Variants in CTNNA3 observed in about 807,000 individuals in gnomAD.
The protein encoded by CTNNA3 is catenin alpha-3.
A neutral mutation model predicts 95.7 loss-of-function variants in CTNNA3; 76 were observed. That is an observed-to-expected ratio of 0.79 (90% CI 0.66 to 0.96). The LOEUF is 0.96. CTNNA3 is among the 40% of genes least tolerant of loss of function. The probability of loss-of-function intolerance (pLI) is 0.00; values close to 1 mark genes in which losing one functional copy is unlikely to be tolerated. For missense variants in CTNNA3, 1,191 were observed against 1,089.8 expected (o/e 1.09, Z -1.31); for synonymous variants, 431 against 374.4 (o/e 1.15, Z -1.74).
chr10:66,506,166 C>A (rs747054547), intron 11 of CTNNA3, among the ~76,000 whole-genome samples: 2 of 152,102 alleles, frequency 1.3e-5, no homozygotes, highest in Non-Finnish European at 2.9e-5. Flanking sequence ...TCACTCATTA[C>A]CAAGAGGATT....
Position 66,968,449 on chromosome 10 carries a change from A to C in CTNNA3, c.1048-192925T>G, listed in dbSNP as rs188787625. 6.7e-4 allele frequency among the ~76,000 whole-genome samples: 101 copies of C among 151,590 alleles called. 1 individual carries two copies. In the East Asian group the frequency reaches 0.015, roughly 23 times the overall value. ...AAGAGACAAGATGAATTTAAACTAG[A>C]GAAAATACAATTTTAGAACCACATT... On this transcript the variant is annotated intron_variant, in intron 7 of 17. Coordinates refer to ENST00000433211, the MANE Select transcript of CTNNA3 (RefSeq NM_013266.4).
intron 1 of CTNNA3, among the ~76,000 whole-genome samples, chr10:67,705,258 C>G (rs983184345): frequency 6.6e-6 from 1 of 152,204 alleles, no homozygotes; most frequent in Non-Finnish European, 1.5e-5. Flanking sequence ...TACCATTTGA[C>G]CCAGCCATCC....
chr10:66,184,015 T>A (rs1397887349), intron 13 of CTNNA3, among the ~76,000 whole-genome samples: 3 of 152,110 alleles, frequency 2.0e-5, no homozygotes, highest in Non-Finnish European at 4.4e-5. Context: ...GTGTATGAGG[T>A]TTTTATAAAA....
intron 13 of CTNNA3, among the ~76,000 whole-genome samples, chr10:66,261,283 T>C: frequency 6.6e-6 from 1 of 152,138 alleles, no homozygotes; most frequent in East Asian, 1.9e-4. Context: ...ATTTAAATTA[T>C]TTCCCTTGAT....
At chr10:66,476,131 T>C (rs1240092836) in intron 11 of CTNNA3, among the ~76,000 whole-genome samples, 2 of 151,926 alleles carry the variant, frequency 1.3e-5, no homozygotes, top group Non-Finnish European at 2.9e-5. Context: ...CGAACACCAC[T>C]TGTTCTCACT....
At chr10:67,519,218 T>C (rs544642527) in intron 5 of CTNNA3, among the ~76,000 whole-genome samples, 2 of 152,248 alleles carry the variant, frequency 1.3e-5, no homozygotes, top group African/African-American at 4.8e-5. Context: ...AGTAGTCTTA[T>C]CTTGTGCCGA....
chr10:66,529,105 T>A (rs1380213488), intron 10 of CTNNA3, among the ~76,000 whole-genome samples: 1 of 152,144 alleles, frequency 6.6e-6, no homozygotes, highest in Non-Finnish European at 1.5e-5. Flanking sequence ...CAGCCTGGCC[T>A]ATCACAATCA....
intron 7 of CTNNA3, among the ~76,000 whole-genome samples, chr10:66,832,189 A>C (rs1272620695): frequency 1.3e-5 from 2 of 152,256 alleles, no homozygotes; most frequent in Non-Finnish European, 2.9e-5. Context: ...TTTTGGCAGA[A>C]AAAATGACTC....
chr10:67,457,840 T>C (rs544195379), intron 5 of CTNNA3, among the ~76,000 whole-genome samples: 1 of 152,162 alleles, frequency 6.6e-6, no homozygotes, highest in African/African-American at 2.4e-5. Context: ...CTCTCTTCCA[T>C]GTTTAAAGAT....
intron 7 of CTNNA3, among the ~76,000 whole-genome samples, chr10:66,973,526 G>A (rs1185069661): frequency 6.6e-6 from 1 of 152,156 alleles, no homozygotes; most frequent in Admixed American, 6.5e-5. Flanking sequence ...GCCCTTCTAA[G>A]TTTGTTTTAG....
chr10:66,546,586 G>A lies in CTNNA3; in HGVS notation c.1375-25813C>T, dbSNP rs144779110. 1.3e-4 allele frequency among the ~76,000 whole-genome samples: 20 copies of A among 152,284 alleles called. No homozygotes were observed. The East Asian group carries it at 3.9e-3, about 29-fold the overall frequency. The stretch of plus-strand genomic sequence containing the variant: ...GAAACTTACAAATATGGTGGAAGGT[G>A]AAGGGGAAGCAAGGCACCTTCTTCA... On this transcript the variant is annotated intron_variant, in intron 10 of 17. Coordinates refer to ENST00000433211, the MANE Select transcript of CTNNA3 (RefSeq NM_013266.4).
At chr10:66,028,746 T>TA (rs1047175075) in intron 15 of CTNNA3, among the ~76,000 whole-genome samples, 6 of 151,314 alleles carry the variant, frequency 4.0e-5, no homozygotes, top group Admixed American at 1.3e-4. Context: ...AAGTATAATT[T>TA]AAAAAAAAGG....
chr10:67,460,522 T>G (rs1401313873), intron 5 of CTNNA3, among the ~76,000 whole-genome samples: 2 of 152,168 alleles, frequency 1.3e-5, no homozygotes, highest in African/African-American at 4.8e-5. Flanking sequence ...TAGTAAAAAT[T>G]ATTTGAGAAG....
At chr10:66,983,783 C>T (rs1183830273) in intron 7 of CTNNA3, among the ~76,000 whole-genome samples, 5 of 152,142 alleles carry the variant, frequency 3.3e-5, no homozygotes, top group East Asian at 3.8e-4. Context: ...ATACATTCTG[C>T]TAAAATTTTG....
chr10:66,775,479 T>G lies in CTNNA3; in HGVS notation c.1093A>C (p.Asn365His). The change falls in exon 8 of 18, where the codon AAC becomes CAC. Residue 365 changes from asparagine (N) to histidine (H), a missense_variant. Physicochemically the swap from Asn to His is moderately conservative, Grantham distance 68. Transcript: ENST00000433211. ...AGGTCTCTTGTCTTCTTACACATGT[T>G]GTCTAAAGCAATATTCAGGGTATTA... ...RSNTLNIALDNMCKKTRDLRR... is the reference protein window; with the variant it reads ...RSNTLNIALDHMCKKTRDLRR... 1 of 1,611,928 alleles carries G rather than the reference T, an allele frequency of 6.2e-7. No homozygotes were observed. The highest frequency in any genetic ancestry group is 2.2e-5 in the East Asian group (1 of 44,752).
At chr10:66,740,049 C>T (rs1004771275) in intron 9 of CTNNA3, among the ~76,000 whole-genome samples, 8 of 152,174 alleles carry the variant, frequency 5.3e-5, no homozygotes, top group Non-Finnish European at 1.2e-4. Flanking sequence ...TTTGGGGAAT[C>T]ATGTCTTGAG....
At chr10:66,703,925 C>T (rs755517345) in intron 9 of CTNNA3, among the ~76,000 whole-genome samples, 7 of 152,114 alleles carry the variant, frequency 4.6e-5, no homozygotes, top group Non-Finnish European at 7.4e-5. Flanking sequence ...CCAGAAGATG[C>T]TTTATCACTA....
intron 5 of CTNNA3, among the ~76,000 whole-genome samples, chr10:67,434,787 T>C (rs1846241927): frequency 6.6e-6 from 1 of 151,894 alleles, no homozygotes; most frequent in African/African-American, 2.4e-5. Flanking sequence ...GGAACCTGAG[T>C]TTGATGAAAG....
intron 11 of CTNNA3, among the ~76,000 whole-genome samples, chr10:66,515,993 C>T (rs916152161): frequency 2.7e-5 from 4 of 150,252 alleles, no homozygotes; most frequent in Non-Finnish European, 5.9e-5. Flanking sequence ...CTAAGAAAAT[C>T]TGTCCCCTAC....
Sources: allele counts gnomAD v4.1 joint callset (sites outside exome capture counted in the v4.1 genomes callset), GRCh38; gene constraint gnomAD v4.1.1; transcripts MANE v1.5; gene names NCBI Gene and HGNC (gene_info 2026-07-23, HGNC 2026-07-21).